DRC8: variants seen among roughly 807,000 people sequenced by gnomAD.
DRC8 encodes dynein regulatory complex protein 8.
At chr1:244,983,384 CAT>C in the DRC8 span, among the ~76,000 whole-genome samples, 2 of 152,086 alleles carry the variant, frequency 1.3e-5, no homozygotes, top group African/African-American at 2.4e-5. Context: ...TTCTTAAAGA[CAT>C]ATAAAGGAGT....
chr1:245,019,151 C>G, the DRC8 span, among the ~76,000 whole-genome samples: 1 of 152,036 alleles, frequency 6.6e-6, no homozygotes, highest in Non-Finnish European at 1.5e-5. Context: ...ATAACTTTAC[C>G]GAGGCCCTGA....
chr1:245,054,311 T>A, the DRC8 span, among the ~76,000 whole-genome samples: 2 of 152,048 alleles, frequency 1.3e-5, no homozygotes, highest in Non-Finnish European at 2.9e-5. Context: ...CTCAGCCTCA[T>A]GAGTAGCTGG....
At chr1:245,083,061 G>C in the DRC8 span, among the ~76,000 whole-genome samples, 1 of 152,226 alleles carries the variant, frequency 6.6e-6, no homozygotes, top group East Asian at 1.9e-4. Flanking sequence ...CACCAGGCCA[G>C]GTACTGGTGC....
chr1:245,029,694 C>T, the DRC8 span, among the ~76,000 whole-genome samples: 2 of 151,614 alleles, frequency 1.3e-5, no homozygotes, highest in East Asian at 3.9e-4. Flanking sequence ...CTCCTGGGTT[C>T]AAGTGATTCT....
chr1:245,074,573 C>T, the DRC8 span, among the ~76,000 whole-genome samples: 56 of 152,262 alleles, frequency 3.7e-4, 2 homozygotes, highest in East Asian at 0.01. Context: ...TACTAAGTAC[C>T]GGATTTAGCC....
At chr1:245,122,306 C>A in the DRC8 span, 1 of 163,108 alleles carries the variant, frequency 6.1e-6, no homozygotes, top group Admixed American at 6.0e-5. Flanking sequence ...AGAAGCATGG[C>A]GTTGAATGTG....
the DRC8 span, among the ~76,000 whole-genome samples, chr1:245,054,628 C>T: frequency 6.6e-6 from 1 of 152,282 alleles, no homozygotes; most frequent in South Asian, 2.1e-4. Context: ...GCGGGTTCCT[C>T]TTTCTTGGAT....
At chr1:245,107,641 C>T in the DRC8 span, among the ~76,000 whole-genome samples, 1 of 152,300 alleles carries the variant, frequency 6.6e-6, no homozygotes, top group Admixed American at 6.5e-5. Flanking sequence ...GGGCTGCTTG[C>T]ATTTGGCAGG....
the DRC8 span, among the ~76,000 whole-genome samples, chr1:245,006,011 C>T: frequency 6.6e-6 from 1 of 152,102 alleles, no homozygotes; most frequent in African/African-American, 2.4e-5. Flanking sequence ...AGACTTCCTG[C>T]CTAGTGCATC....
the DRC8 span, among the ~76,000 whole-genome samples, chr1:245,068,579 C>T: frequency 4.3e-3 from 649 of 151,794 alleles, 2 homozygotes; most frequent in African/African-American, 0.015. Flanking sequence ...ATAGCTGGTA[C>T]TACAGGTATA....
At chr1:244,991,630 C>T in the DRC8 span, among the ~76,000 whole-genome samples, 4 of 152,158 alleles carry the variant, frequency 2.6e-5, no homozygotes, top group African/African-American at 9.7e-5. Flanking sequence ...CTCGTAACAG[C>T]CCTGTGAGGT....
the DRC8 span, among the ~76,000 whole-genome samples, chr1:245,035,927 G>C: frequency 1.3e-5 from 2 of 151,514 alleles, no homozygotes; most frequent in Admixed American, 1.3e-4. Context: ...AGCTAAAATC[G>C]TAAGACCCTT....
At chr1:244,982,382 A>G in the DRC8 span, among the ~76,000 whole-genome samples, 1 of 152,170 alleles carries the variant, frequency 6.6e-6, no homozygotes, top group South Asian at 2.1e-4. Flanking sequence ...TTAAAGGTTC[A>G]GGCCGGGCTT....
the DRC8 span, chr1:245,122,137 A>C: frequency 8.3e-6 from 2 of 241,546 alleles, no homozygotes; most frequent in Admixed American, 1.1e-4. Flanking sequence ...TCCTGACCTC[A>C]AGTGATCCTC....
At chr1:244,980,068 A>AAAAAAAAAAAAAAG in the DRC8 span, among the ~76,000 whole-genome samples, 1 of 140,972 alleles carries the variant, frequency 7.1e-6, no homozygotes, top group Non-Finnish European at 1.6e-5. Flanking sequence ...AAAAAAAAAA[A>AAAAAAAAAAAAAAG]ATTAGCTGGG....
chr1:245,074,881 A>G, the DRC8 span, among the ~76,000 whole-genome samples: 6 of 152,190 alleles, frequency 3.9e-5, no homozygotes, highest in African/African-American at 1.4e-4. Context: ...CAAAATTTGT[A>G]TCTATACTAT....
the DRC8 span, among the ~76,000 whole-genome samples, chr1:245,033,895 A>G: frequency 4.0e-4 from 61 of 151,502 alleles, no homozygotes; most frequent in South Asian, 0.012. Flanking sequence ...CTAATTTTTT[A>G]TTTTTAGTAG....
chr1:244,974,116 C>G, the DRC8 span, among the ~76,000 whole-genome samples: 1 of 152,080 alleles, frequency 6.6e-6, no homozygotes, highest in Non-Finnish European at 1.5e-5. Flanking sequence ...ATTATTTTTC[C>G]AAAGTTTCCT....
the DRC8 span, among the ~76,000 whole-genome samples, chr1:245,006,020 T>A: frequency 2.4e-4 from 36 of 152,218 alleles, no homozygotes; most frequent in East Asian, 6.4e-3. Flanking sequence ...GCCTAGTGCA[T>A]CTGTGTGGAA....
Sources: allele counts gnomAD v4.1 joint callset (sites outside exome capture counted in the v4.1 genomes callset), GRCh38; gene constraint gnomAD v4.1.1; transcripts MANE v1.5; gene names NCBI Gene and HGNC (gene_info 2026-07-23, HGNC 2026-07-21).